The following PPP3CA variants were observed in gnomAD, a reference collection of about 807,000 sequenced individuals.
The protein encoded by PPP3CA is CAM-PRP catalytic subunit.
A neutral mutation model predicts 66.5 loss-of-function variants in PPP3CA; 14 were observed. That is an observed-to-expected ratio of 0.21 (90% CI 0.14 to 0.33). The LOEUF is 0.33. Among genes scored for constraint, PPP3CA ranks in the 10% least tolerant of loss-of-function variants. The pLI is 1.00. For missense variants in PPP3CA, 317 were observed against 639.5 expected, an observed-to-expected ratio of 0.50 and a Z score of 5.44; for synonymous variants, 232 against 226.2, an observed-to-expected ratio of 1.03 and a Z score of -0.23.
intron 1 of PPP3CA, among the ~76,000 whole-genome samples, chr4:101,279,572 C>G (rs1001658970): frequency 2.0e-5 from 3 of 152,138 alleles, no homozygotes; most frequent in African/African-American, 4.8e-5. Flanking sequence ...TATATAACTG[C>G]GTATTTTGTA....
chr4:101,051,386 C>T (rs1424380445), intron 10 of PPP3CA, among the ~76,000 whole-genome samples: 1 of 152,116 alleles, frequency 6.6e-6, no homozygotes, highest in Non-Finnish European at 1.5e-5. Flanking sequence ...GTTGTTCCAT[C>T]AGTTATCAAT....
chr4:101,180,095 G>A (rs1724188246), intron 2 of PPP3CA, among the ~76,000 whole-genome samples: 1 of 152,052 alleles, frequency 6.6e-6, no homozygotes, highest in African/African-American at 2.4e-5. Context: ...AAGAACATGT[G>A]GTCACATCTA....
At chr4:101,346,454 A>C (rs1417351410) in intron 1 of PPP3CA, among the ~76,000 whole-genome samples, 1 of 147,246 alleles carries the variant, frequency 6.8e-6, no homozygotes, top group Non-Finnish European at 1.5e-5. Context: ...CCCTCCCACC[A>C]CCGCCACCCC....
chr4:101,026,100 T>C (rs559579624), intron 13 of PPP3CA, 39 bp from the exon 14 acceptor site: 4 of 1,520,494 alleles, frequency 2.6e-6, no homozygotes, highest in South Asian at 1.3e-5. Context: ...ACCAGGATTA[T>C]CCAAAGGAAA....
In PPP3CA at chr4:101,265,814, C is replaced by T. The variant is rs6854591; in HGVS notation, c.59-69698G>A. Reference sequence around the variant, plus strand: ...AAATTAAACCATCTAAGAAACTCCACTGGTCATTCACTTACAAAGTAGAGA... The same window carrying T: ...AAATTAAACCATCTAAGAAACTCCATTGGTCATTCACTTACAAAGTAGAGA... On this transcript the variant is annotated intron_variant, in intron 1 of 13. Transcript: ENST00000394854. Among the ~76,000 whole-genome samples the T allele has an allele frequency of 3.7e-4, 57 of 152,070 alleles. No homozygotes were observed. The East Asian group carries it at 0.011, about 29-fold the overall frequency.
intron 5 of PPP3CA, among the ~76,000 whole-genome samples, chr4:101,096,935 A>G (rs1730222990): frequency 6.6e-6 from 1 of 152,154 alleles, no homozygotes; most frequent in Non-Finnish European, 1.5e-5. Context: ...AAGTTTCCAA[A>G]CTCAGAAGAA....
intron 1 of PPP3CA, among the ~76,000 whole-genome samples, chr4:101,333,139 C>T (rs1729445667): frequency 7.4e-6 from 1 of 134,404 alleles, no homozygotes; most frequent in South Asian, 2.4e-4. Context: ...GAGTCTCATA[C>T]TGTTACCCAG....
At chr4:101,114,799 C>T (rs1721789422) in intron 2 of PPP3CA, among the ~76,000 whole-genome samples, 1 of 151,982 alleles carries the variant, frequency 6.6e-6, no homozygotes, top group Non-Finnish European at 1.5e-5. Context: ...TAAGTTGAAG[C>T]ATTTTGAGGT....
chr4:101,061,471 G>T (rs1193879644), intron 9 of PPP3CA, among the ~76,000 whole-genome samples: 2 of 151,848 alleles, frequency 1.3e-5, no homozygotes, highest in African/African-American at 4.8e-5. Flanking sequence ...TAGTTTTTTT[G>T]AATTTTTATT....
At chr4:101,196,575 C>A (rs1578544393) in intron 1 of PPP3CA, among the ~76,000 whole-genome samples, 1 of 152,210 alleles carries the variant, frequency 6.6e-6, no homozygotes, top group East Asian at 1.9e-4. Flanking sequence ...TAACTAAAGT[C>A]ACATCTGAGA....
intron 1 of PPP3CA, among the ~76,000 whole-genome samples, chr4:101,272,346 C>T (rs920390945): frequency 1.3e-5 from 2 of 152,226 alleles, no homozygotes; most frequent in Admixed American, 6.5e-5. Flanking sequence ...ATTATAAGTA[C>T]GTGGCAGTCA....
intron 2 of PPP3CA, among the ~76,000 whole-genome samples, chr4:101,153,332 C>T (rs531941318): frequency 6.6e-6 from 1 of 152,162 alleles, no homozygotes; most frequent in East Asian, 1.9e-4. Context: ...AATAAACATC[C>T]CTTAACAATA....
At chr4:101,140,907 GT>G (rs1260623470) in intron 2 of PPP3CA, among the ~76,000 whole-genome samples, 1 of 152,120 alleles carries the variant, frequency 6.6e-6, no homozygotes, top group African/African-American at 2.4e-5. Flanking sequence ...AAGTAAATTA[GT>G]GGGGATTTGA....
In PPP3CA at chr4:101,331,087, A is replaced by G. The variant is rs189036181; in HGVS notation, c.58+15652T>C. On this transcript the variant is annotated intron_variant, in intron 1 of 13. Coordinates refer to ENST00000394854, the MANE Select transcript of PPP3CA (RefSeq NM_000944.5). ...ATTTCCAGGAGCAATGATATTTTAT[A>G]TAAAAAGAAATCCCTAATAACAAGT... Among the ~76,000 whole-genome samples the G allele has an allele frequency of 7.9e-5, 12 of 152,334 alleles. No individual in the cohort carries two copies. In the East Asian group the frequency reaches 2.3e-3, roughly 29 times the overall value.
intron 1 of PPP3CA, among the ~76,000 whole-genome samples, chr4:101,307,577 G>A (rs1400538476): frequency 6.6e-6 from 1 of 152,114 alleles, no homozygotes; most frequent in Non-Finnish European, 1.5e-5. Context: ...GTAACAAATG[G>A]TTGCCATTCT....
chr4:101,270,830 C>T (rs1301084827), intron 1 of PPP3CA, among the ~76,000 whole-genome samples: 1 of 152,018 alleles, frequency 6.6e-6, no homozygotes, highest in Admixed American at 6.6e-5. Context: ...CCTAAAAGTC[C>T]TTTTTGTAAG....
intron 1 of PPP3CA, among the ~76,000 whole-genome samples, chr4:101,331,082 T>C (rs1297350797): frequency 6.6e-6 from 1 of 152,162 alleles, no homozygotes. Flanking sequence ...GCAATGATAT[T>C]TTATATAAAA....
At chr4:101,228,014 G>C (rs187442914) in intron 1 of PPP3CA, among the ~76,000 whole-genome samples, 108 of 151,576 alleles carry the variant, frequency 7.1e-4, no homozygotes, top group Non-Finnish European at 1.3e-3. Context: ...CTATGAACAG[G>C]CCTTTTAAAG....
intron 1 of PPP3CA, among the ~76,000 whole-genome samples, chr4:101,201,803 C>A (rs1724975172): frequency 6.6e-6 from 1 of 152,234 alleles, no homozygotes; most frequent in Non-Finnish European, 1.5e-5. Context: ...TAGATTGGAA[C>A]ACCATCTATT....
Sources: allele counts gnomAD v4.1 joint callset (sites outside exome capture counted in the v4.1 genomes callset), GRCh38; gene constraint gnomAD v4.1.1; transcripts MANE v1.5; gene names NCBI Gene and HGNC (gene_info 2026-07-23, HGNC 2026-07-21).